RABEPK: variants seen among roughly 807,000 people sequenced by gnomAD.
RABEPK encodes Rab9 effector protein with kelch motifs.
In RABEPK, 27 loss-of-function variants were observed where a neutral mutation model predicts 34.1. The ratio of observed to expected loss-of-function variants is 0.79; its 90% confidence interval spans 0.58 to 1.09. The LOEUF (loss-of-function observed/expected upper bound fraction) is 1.09. Among genes scored for constraint, RABEPK ranks in the 50% least tolerant of loss-of-function variants. RABEPK has a pLI of 0.00. For missense variants in RABEPK, 449 were observed against 462.6 expected (o/e 0.97, Z 0.27); for synonymous variants, 172 against 169.2 (o/e 1.02, Z -0.13).
intron 4 of RABEPK, among the ~76,000 whole-genome samples, chr9:125,218,911 T>G (rs189717474): frequency 6.6e-6 from 1 of 152,240 alleles, no homozygotes; most frequent in Non-Finnish European, 1.5e-5. Context: ...TTGTATTTTT[T>G]TGTAGAGACA....
At chr9:125,218,147 TA>T (rs5900646) in intron 4 of RABEPK, among the ~76,000 whole-genome samples, 95,620 of 142,224 alleles carry the variant, frequency 0.67, 32,140 homozygotes, top group Admixed American at 0.73. Context: ...CCGTCTCTAC[TA>T]AAAAAAAAAA....
At position 125,207,629 on chromosome 9, in the gene RABEPK, C is replaced by A. The variant is rs1274333091; in HGVS notation, c.119C>A (p.Pro40His). ...ARVGHSCSYL[P>H]PVGNAKRGKV... ...GTTGGCCACAGCTGTTCATATTTAC[C>A]CCCAGTTGGTAATGCCAAGAGAGGG... The change falls in exon 3 of 8, where the codon CCC becomes CAC. Residue 40 changes from proline to histidine, a missense_variant. Physicochemically the swap from Pro to His is moderately conservative, Grantham distance 77 (BLOSUM62 -2). Transcript: ENST00000373538. The A allele has an allele frequency of 1.2e-6, 2 of 1,613,952 alleles. No individual in the cohort carries two copies. The highest frequency in any genetic ancestry group is 8.5e-7 in the Non-Finnish European group (1 of 1,179,966).
At chr9:125,226,389 C>T (rs1045805620) in intron 5 of RABEPK, among the ~76,000 whole-genome samples, 8 of 150,802 alleles carry the variant, frequency 5.3e-5, no homozygotes, top group Non-Finnish European at 1.0e-4. Context: ...AAATATTAGT[C>T]ATTAAGGGAT....
In RABEPK at chr9:125,205,103, G is replaced by A. The variant is rs1484094851; in HGVS notation, c.53+2037G>A. Among the ~76,000 whole-genome samples, 4 of 152,004 alleles carry A rather than the reference G, an allele frequency of 2.6e-5. No individual in the cohort carries two copies. The East Asian group carries it at 7.7e-4, about 29-fold the overall frequency. On this transcript the variant is annotated intron_variant, in intron 2 of 7. Coordinates refer to ENST00000373538, the MANE Select transcript of RABEPK (RefSeq NM_005833.4). ...CTCCCAAAGTGCTGAGATTACAGGT[G>A]TGAGCCACCACACCTGGCCTACCCA... is the stretch of plus-strand genomic sequence containing the variant.
At chr9:125,206,690 T>C (rs997126114) in intron 2 of RABEPK, among the ~76,000 whole-genome samples, 4 of 152,178 alleles carry the variant, frequency 2.6e-5, no homozygotes, top group Non-Finnish European at 5.9e-5. Context: ...GGGCTGTTGA[T>C]TACCATGTGG....
chr9:125,208,288 G>T (rs1830368078), intron 3 of RABEPK, among the ~76,000 whole-genome samples: 2 of 152,110 alleles, frequency 1.3e-5, no homozygotes. Context: ...AAATATTTCT[G>T]TAGGATACAT....
intron 3 of RABEPK, among the ~76,000 whole-genome samples, chr9:125,208,601 C>T (rs1830394304): frequency 1.3e-5 from 2 of 151,360 alleles, no homozygotes; most frequent in African/African-American, 2.4e-5. Flanking sequence ...AGTGGCACGA[C>T]CTCAGCTGAC....
chr9:125,208,549 T>C (rs1032749940), intron 3 of RABEPK, among the ~76,000 whole-genome samples: 4 of 151,998 alleles, frequency 2.6e-5, no homozygotes, highest in Non-Finnish European at 5.9e-5. Flanking sequence ...AATTTTTTTT[T>C]TTTTTAGACG....
At chr9:125,213,901 A>C (rs1172373349) in intron 4 of RABEPK, among the ~76,000 whole-genome samples, 1 of 152,154 alleles carries the variant, frequency 6.6e-6, no homozygotes, top group Non-Finnish European at 1.5e-5. Flanking sequence ...AAGGCAGATC[A>C]CTTGAGGTCA....
At chr9:125,224,048 A>G (rs1247628378) in intron 5 of RABEPK, among the ~76,000 whole-genome samples, 1 of 151,962 alleles carries the variant, frequency 6.6e-6, no homozygotes, top group Non-Finnish European at 1.5e-5. Flanking sequence ...ACAAAAAATT[A>G]TCCAGGCATG....
chr9:125,220,222 G>A (rs1831226218), intron 4 of RABEPK: 32 of 1,075,706 alleles, frequency 3.0e-5, no homozygotes, highest in South Asian at 4.1e-5. Context: ...GGCTGGTTTC[G>A]AACTCCTGAC....
At chr9:125,219,508 C>A (rs1292954135) in intron 4 of RABEPK, among the ~76,000 whole-genome samples, 2 of 152,118 alleles carry the variant, frequency 1.3e-5, no homozygotes, top group African/African-American at 4.8e-5. Context: ...ATTCTCCTGT[C>A]TCAGCCTCCT....
intron 5 of RABEPK, among the ~76,000 whole-genome samples, chr9:125,227,384 C>T (rs1831835598): frequency 6.6e-6 from 1 of 151,696 alleles, no homozygotes; most frequent in African/African-American, 2.4e-5. Context: ...GTGGGCTCTC[C>T]AGCCCTAGAA....
Position 125,225,069 on chromosome 9 carries a change from C to T in RABEPK, c.527-2841C>T, listed in dbSNP as rs533914502. 5.3e-5 allele frequency among the ~76,000 whole-genome samples: 8 copies of T among 152,154 alleles called. No homozygotes were observed. The South Asian group carries it at 1.4e-3, about 28-fold the overall frequency. On this transcript the variant is annotated intron_variant, in intron 5 of 7. Transcript: ENST00000373538. ...AGGAGTTCCAGTCCAGCCTGGACAA[C>T]ATAGCAAGACCCCATCTCTAAAAAT...
intron 4 of RABEPK, among the ~76,000 whole-genome samples, chr9:125,220,069 G>T (rs1831214190): frequency 6.6e-6 from 1 of 151,924 alleles, no homozygotes; most frequent in African/African-American, 2.4e-5. Context: ...TGCAATCTCA[G>T]CTCACTGCAA....
chr9:125,224,340 A>G (rs1831581435), intron 5 of RABEPK, among the ~76,000 whole-genome samples: 1 of 152,078 alleles, frequency 6.6e-6, no homozygotes, highest in Non-Finnish European at 1.5e-5. Context: ...CTGTAGTAAA[A>G]CGTAATAATC....
chr9:125,203,833 GACC>G (rs1036874193), intron 2 of RABEPK, among the ~76,000 whole-genome samples: 2 of 149,572 alleles, frequency 1.3e-5, no homozygotes, highest in Non-Finnish European at 3.0e-5. Flanking sequence ...AGGAGTTTGA[GACC>G]AGCCTGACCA....
At chr9:125,223,096 A>T (rs1453942244) in intron 5 of RABEPK, among the ~76,000 whole-genome samples, 1 of 152,180 alleles carries the variant, frequency 6.6e-6, no homozygotes, top group Non-Finnish European at 1.5e-5. Flanking sequence ...CCTGGCCAAG[A>T]TGGTGAAACC....
chr9:125,223,446 G>C (rs751428629), intron 5 of RABEPK, among the ~76,000 whole-genome samples: 18 of 151,948 alleles, frequency 1.2e-4, no homozygotes, highest in Non-Finnish European at 1.8e-4. Flanking sequence ...ACAGAGCAAG[G>C]CTCTGTCTCA....
Sources: gnomAD v4.1 joint callset for allele counts (sites outside exome capture counted in the v4.1 genomes callset) on GRCh38, gnomAD v4.1.1 for gene constraint, MANE v1.5 for transcripts, NCBI Gene and HGNC (gene_info 2026-07-23, HGNC 2026-07-21) for gene names.